Variants in ARHGEF3 observed in about 807,000 individuals in gnomAD.
ARHGEF3 encodes Rho guanine nucleotide exchange factor 3.
Under a neutral mutation model 63.2 loss-of-function variants are expected in ARHGEF3, and 28 were observed. The ratio of observed to expected loss-of-function variants is 0.44; its 90% CI spans 0.33 to 0.61. ARHGEF3 has a LOEUF of 0.61. ARHGEF3 is among the 20% of genes least tolerant of loss of function. The pLI is 0.03. For synonymous variants in ARHGEF3, 266 were observed against 254.2 expected, an observed-to-expected ratio of 1.05 and a Z score of -0.44; for missense variants, 533 against 659.3, an observed-to-expected ratio of 0.81 and a Z score of 2.10.
In ARHGEF3 at chr3:57,006,619, C is replaced by G. The variant is rs1316775108; in HGVS notation, c.62+28469G>C. Among the ~76,000 whole-genome samples the G allele has an allele frequency of 3.9e-5, 6 of 152,184 alleles. No individual in the cohort carries two copies. The East Asian group carries it at 1.2e-3, about 29-fold the overall frequency. On this transcript the variant is annotated intron_variant, in intron 2 of 12. Coordinates refer to the ARHGEF3 transcript ENST00000338458. ...AGAATCTCACCCCACCCACCCCCAA[C>G]AGGCAGATCGTAGCTTTTCATAGGT... is the stretch of plus-strand genomic sequence containing the variant.
chr3:56,886,926 G>A (rs566610635), intron 3 of ARHGEF3, among the ~76,000 whole-genome samples: 13 of 152,244 alleles, frequency 8.5e-5, no homozygotes, highest in Middle Eastern at 6.8e-3. Context: ...ATGCTGTCCC[G>A]TCCCAGAGTC....
rs1457630914 is a variant in ARHGEF3 at position 56,779,569 on chromosome 3, T to G, written c.97-5753A>C. Among the ~76,000 whole-genome samples the G allele has an allele frequency of 3.2e-4, 48 of 152,320 alleles. 1 individual carries two copies. Among genetic ancestry groups the G allele is most frequent in the Non-Finnish European group, 1.2e-4 (8 of 68,016 alleles). On this transcript the variant is annotated intron_variant, in intron 1 of 9. Transcript: ENST00000296315. The stretch of plus-strand genomic sequence containing the variant: ...GTGCAGTGGCGCCATCTTGGCTCAC[T>G]GCAAGCTCCGCCTCCCGGGTTCACG...
chr3:56,893,441 A>C (rs2041189284), intron 3 of ARHGEF3, among the ~76,000 whole-genome samples: 1 of 152,122 alleles, frequency 6.6e-6, no homozygotes, highest in Admixed American at 6.5e-5. Flanking sequence ...GGCCTGCCCA[A>C]GTGCTGGGAT....
chr3:57,034,396 G>A (rs1422893922), intron 2 of ARHGEF3, among the ~76,000 whole-genome samples: 1 of 151,988 alleles, frequency 6.6e-6, no homozygotes, highest in Non-Finnish European at 1.5e-5. Context: ...TCCTCTTGGG[G>A]GACTGGCCAC....
At position 56,881,544 on chromosome 3, in the gene ARHGEF3, G is replaced by C. The variant is rs572778312; in HGVS notation, c.192+748C>G. On this transcript the variant is annotated intron_variant, in intron 4 of 12. Transcript: ENST00000338458. ...GAAAGCTATGAAATTAAGTATCCAA[G>C]GACATGTTCTGAAACAAAGCCAAGG... 3.9e-4 allele frequency among the ~76,000 whole-genome samples: 60 copies of C among 152,216 alleles called. 1 individual carries two copies. The Middle Eastern group carries it at 0.017, about 43-fold the overall frequency.
intron 3 of ARHGEF3, among the ~76,000 whole-genome samples, chr3:56,952,986 C>T (rs548620881): frequency 6.6e-6 from 1 of 152,296 alleles, no homozygotes; most frequent in Non-Finnish European, 1.5e-5. Context: ...GCTGACTCTG[C>T]CAATTACTAC....
intron 1 of ARHGEF3, among the ~76,000 whole-genome samples, chr3:57,041,057 T>C (rs1025714040): frequency 6.6e-6 from 1 of 152,226 alleles, no homozygotes; most frequent in Non-Finnish European, 1.5e-5. Flanking sequence ...GACTGTCATA[T>C]ACTGATTGCT....
chr3:56,961,530 T>G (rs1160442080), intron 2 of ARHGEF3, among the ~76,000 whole-genome samples: 1 of 152,108 alleles, frequency 6.6e-6, no homozygotes, highest in East Asian at 1.9e-4. Context: ...GGCAGCAGCT[T>G]AGCAGGGCTT....
chr3:56,859,602 G>A (rs1223966025), intron 4 of ARHGEF3, among the ~76,000 whole-genome samples: 2 of 150,142 alleles, frequency 1.3e-5, no homozygotes, highest in Non-Finnish European at 3.0e-5. Flanking sequence ...CAGAGATCTC[G>A]GCTCCCTGCA....
chr3:56,988,292 G>A (rs6770344), intron 2 of ARHGEF3, among the ~76,000 whole-genome samples: 5 of 151,848 alleles, frequency 3.3e-5, no homozygotes, highest in Admixed American at 2.0e-4. Flanking sequence ...GACTACAGAC[G>A]CACGCCACCA....
intron 1 of ARHGEF3, among the ~76,000 whole-genome samples, chr3:57,065,145 G>A (rs1705453067): frequency 6.6e-6 from 1 of 152,176 alleles, no homozygotes. Context: ...GTAGGCCATG[G>A]TCTTAAATGT....
At chr3:56,906,973 C>CTTTT (rs1253595488) in intron 3 of ARHGEF3, among the ~76,000 whole-genome samples, 6 of 106,970 alleles carry the variant, frequency 5.6e-5, no homozygotes, top group African/African-American at 2.2e-4. Context: ...GGCTCACATT[C>CTTTT]TATTTTTTTT....
rs543934008 is a variant in ARHGEF3, at chr3:56,746,449, C to A, written c.613-987G>T. Among the ~76,000 whole-genome samples, 4 of 152,222 alleles carry A rather than the reference C, an allele frequency of 2.6e-5. No individual in the cohort carries two copies. The South Asian group carries it at 8.3e-4, about 32-fold the overall frequency. On this transcript the variant is annotated intron_variant, in intron 6 of 9. Coordinates refer to ENST00000296315, the MANE Select transcript of ARHGEF3 (RefSeq NM_019555.3). The stretch of plus-strand genomic sequence containing the variant: ...AACCTTGCTTAAAAATAAAGTATGG[C>A]GGCCAGGCGCAGTGGCTCGTGCCTG...
At chr3:57,061,898 T>G (rs1171755903) in intron 1 of ARHGEF3, among the ~76,000 whole-genome samples, 1 of 152,236 alleles carries the variant, frequency 6.6e-6, no homozygotes, top group African/African-American at 2.4e-5. Flanking sequence ...CATCAGTATC[T>G]GAGCCCGCAT....
At chr3:57,014,329 T>A (rs1305955574) in intron 2 of ARHGEF3, among the ~76,000 whole-genome samples, 1 of 152,188 alleles carries the variant, frequency 6.6e-6, no homozygotes, top group East Asian at 1.9e-4. Context: ...ACACACCGAT[T>A]CTGGACACAA....
chr3:56,727,471 T>A lies in ARHGEF3; in HGVS notation c.*1799A>T, dbSNP rs1390992780. 6.6e-6 allele frequency: 1 copy of A among 152,630 alleles called. No individual in the cohort carries two copies. The highest frequency in any genetic ancestry group is 1.5e-5 in the Non-Finnish European group (1 of 68,028). The allele number at this position is 152,630 out of a possible 1,614,324, so 9.5% of individuals were successfully genotyped here. A position where few individuals can be genotyped will look rare whatever the true frequency, so the allele number is the denominator to read the frequency against. On this transcript the variant is annotated 3_prime_UTR_variant, in exon 10 of 10. Transcript: ENST00000296315. ...ATACTTCCAGAAAAGTTTAAGGCCATTATACAAAAACATTCATTTCATCAA... is the reference window on the plus strand; with the variant it reads ...ATACTTCCAGAAAAGTTTAAGGCCAATATACAAAAACATTCATTTCATCAA...
Position 56,732,368 on chromosome 3 carries a change from G to A in ARHGEF3, c.1098C>T (p.His366=), listed in dbSNP as rs773084944. The change falls in exon 9 of 10, where the codon CAC becomes CAT. Residue 366 remains histidine (H), a synonymous_variant. Transcript: ENST00000296315. ...ACAGCTGGTAGCAAAGCTGCTCATT[G>A]TGGGTGACGGCTCGAGTGATCACAA... ...EVLVITRAVT[H]NEQLCYQLYR... 1.2e-6 allele frequency: 2 copies of A among 1,614,228 alleles called. No individual in the cohort carries two copies. The highest frequency in any genetic ancestry group is 1.3e-5 in the African/African-American group (1 of 75,056).
intron 3 of ARHGEF3, among the ~76,000 whole-genome samples, chr3:56,946,962 G>C: frequency 6.6e-6 from 1 of 152,152 alleles, no homozygotes; most frequent in East Asian, 1.9e-4. Flanking sequence ...AAGAGAGTGG[G>C]GGCCAATATT....
intron 2 of ARHGEF3, among the ~76,000 whole-genome samples, chr3:56,772,897 G>GA (rs2036083933): frequency 6.6e-6 from 1 of 152,070 alleles, no homozygotes; most frequent in South Asian, 2.1e-4. Flanking sequence ...ATGAAGTATG[G>GA]AAAAAACATT....
Sources: allele counts gnomAD v4.1 joint callset (sites outside exome capture counted in the v4.1 genomes callset), GRCh38; gene constraint gnomAD v4.1.1; transcripts MANE v1.5; gene names NCBI Gene and HGNC (gene_info 2026-07-23, HGNC 2026-07-21).